KDM7A: variants seen among roughly 807,000 people sequenced by gnomAD.
KDM7A encodes the protein lysine-specific demethylase 7A.
KDM7A carries 28 observed loss-of-function variants against 114.8 expected under a neutral mutation model. The observed-to-expected ratio is 0.24, with a 90% CI of 0.18 to 0.33. KDM7A has a LOEUF of 0.33. KDM7A is among the 10% of genes least tolerant of loss of function. The pLI is 1.00. For synonymous variants in KDM7A, 423 were observed against 397.8 expected, an observed-to-expected ratio of 1.06 and a Z score of -0.75; for missense variants, 942 against 1,142.5, an observed-to-expected ratio of 0.82 and a Z score of 2.53.
Position 140,176,768 on chromosome 7 carries a change from A to G in KDM7A, c.170T>C (p.Ile57Thr). Residue 57 changes from isoleucine to threonine, a missense_variant, in exon 1 of 20, where the codon ATC becomes ACC. Ile to Thr is a moderately conservative substitution (Grantham distance 89). Transcript: ENST00000397560. This position sits in a 1 kb window ranked among gnomAD's most constrained non-coding sequence, Gnocchi z 4.4. The stretch of plus-strand genomic sequence containing the variant: ...CCTGCCGTGGAACCAGTCCTTGCAG[A>G]TATCGCACTCGATCATGAAGCGGTT... ...DVNRFMIECDICKDWFHGSCV... is the reference protein window; with the variant it reads ...DVNRFMIECDTCKDWFHGSCV... 2.8e-6 allele frequency: 4 copies of G among 1,407,544 alleles called. No homozygotes were observed. Among genetic ancestry groups the G allele is most frequent in the Non-Finnish European group, 3.8e-6 (4 of 1,057,706 alleles). 87.2% of individuals were successfully genotyped at this position (1,407,544 alleles called of 1,614,324 possible).
At chr7:140,171,898 T>G (rs1794647095) in intron 1 of KDM7A, among the ~76,000 whole-genome samples, 1 of 152,172 alleles carries the variant, frequency 6.6e-6, no homozygotes, top group African/African-American at 2.4e-5. Context: ...ATGACTATAC[T>G]ATAATATATC....
rs1324028387 is a variant in KDM7A, at chr7:140,147,275, C to G, written c.195-8085G>C. 5.3e-5 allele frequency among the ~76,000 whole-genome samples: 8 copies of G among 152,236 alleles called. No homozygotes were observed. In the South Asian group the frequency reaches 1.5e-3, roughly 28 times the overall value. ...CTCAATACCAAGTACAAGATGATCA[C>G]AGTAAATTTTTGTTGACTATTAACT... On this transcript the variant is annotated intron_variant, in intron 1 of 19. Transcript: ENST00000397560.
At chr7:140,164,084 T>C (rs1794548906) in intron 1 of KDM7A, among the ~76,000 whole-genome samples, 1 of 152,178 alleles carries the variant, frequency 6.6e-6, no homozygotes, top group Middle Eastern at 3.2e-3. Flanking sequence ...TCTACACCAC[T>C]CTCCTGTGAA....
intron 1 of KDM7A, among the ~76,000 whole-genome samples, 198 bp from the exon 2 acceptor site, chr7:140,139,388 T>C (rs991178588): frequency 6.6e-6 from 1 of 152,280 alleles, no homozygotes; most frequent in East Asian, 1.9e-4. Context: ...GAGAATATAC[T>C]ATACTCAAAG....
At chr7:140,102,329 A>G (rs1352506772) in intron 11 of KDM7A, among the ~76,000 whole-genome samples, 169 bp from the exon 12 acceptor site, 3 of 152,074 alleles carry the variant, frequency 2.0e-5, no homozygotes, top group African/African-American at 7.2e-5. Flanking sequence ...AGAACTTTAT[A>G]TCCCTTCTCT....
intron 9 of KDM7A, among the ~76,000 whole-genome samples, chr7:140,113,913 T>C (rs1287904577): frequency 6.6e-6 from 1 of 152,080 alleles, no homozygotes; most frequent in African/African-American, 2.4e-5. Context: ...TCCAAAGTGC[T>C]GGGATTATAG....
At chr7:140,137,356 C>T (rs926746204) in intron 2 of KDM7A, among the ~76,000 whole-genome samples, 2 of 152,186 alleles carry the variant, frequency 1.3e-5, no homozygotes, top group African/African-American at 4.8e-5. Context: ...AAGTGTATCA[C>T]ATTATTCTGC....
At position 140,089,455 on chromosome 7, in the gene KDM7A, A is replaced by G. The variant is rs958348898; in HGVS notation, c.*1639T>C. 27 of 152,206 alleles carry G rather than the reference A, an allele frequency of 1.8e-4. No homozygotes were observed. Among genetic ancestry groups the G allele is most frequent in the African/African-American group, 6.3e-4 (26 of 41,456 alleles). 9.4% of individuals were successfully genotyped at this position (152,206 alleles called of 1,614,324 possible). ...CTTAGCAATTCAAGTGATACTTAAT[A>G]GAGAAGGGTAAGTCCTGCTATCTTG... On this transcript the variant is annotated 3_prime_UTR_variant, in exon 20 of 20. Transcript: ENST00000397560.
At chr7:140,172,509 T>C (rs545051427) in intron 1 of KDM7A, among the ~76,000 whole-genome samples, 1 of 151,728 alleles carries the variant, frequency 6.6e-6, no homozygotes, top group South Asian at 2.1e-4. Flanking sequence ...AAAAATTAGC[T>C]GGGCGCGGTG....
Position 140,099,021 on chromosome 7 carries a change from CTGCCTT to C in KDM7A, c.1770_1775del (p.Arg591_Gln592del). On this transcript the variant is annotated inframe_deletion, in exon 14 of 20. Transcript: ENST00000397560. ...TATAAAGACTTTGATCTGCAAAGGG[CTGCCTT>C]TCATCTCTGTATTAAGAAGGAAAAG... 1 of 1,611,112 alleles carries C rather than the reference CTGCCTT, an allele frequency of 6.2e-7. No individual in the cohort carries two copies. Among genetic ancestry groups the C allele is most frequent in the Non-Finnish European group, 8.5e-7 (1 of 1,178,856 alleles).
chr7:140,119,319 A>C, intron 8 of KDM7A, 100 bp from the exon 9 acceptor site: 1 of 580,496 alleles, frequency 1.7e-6, no homozygotes, highest in African/African-American at 1.9e-5. Context: ...ATGATATGTA[A>C]GACCAATAAA....
chr7:140,109,034 G>A (rs543476751), intron 11 of KDM7A, among the ~76,000 whole-genome samples: 12 of 152,278 alleles, frequency 7.9e-5, no homozygotes, highest in Admixed American at 1.3e-4. Context: ...TGTGCTAGCA[G>A]TGACCAAGGC....
chr7:140,175,807 A>C (rs1794698045), intron 1 of KDM7A, among the ~76,000 whole-genome samples: 1 of 94,884 alleles, frequency 1.1e-5, no homozygotes, highest in Non-Finnish European at 2.1e-5. Flanking sequence ...CGGCCGACTC[A>C]AGTTCGCCGG....
chr7:140,141,712 G>A (rs1336015444), intron 1 of KDM7A, among the ~76,000 whole-genome samples: 1 of 151,812 alleles, frequency 6.6e-6, no homozygotes, highest in Non-Finnish European at 1.5e-5. Context: ...TGGCAAACAT[G>A]GCAAAACCCC....
chr7:140,172,375 C>T (rs1292424211), intron 1 of KDM7A, among the ~76,000 whole-genome samples: 1 of 152,170 alleles, frequency 6.6e-6, no homozygotes, highest in Non-Finnish European at 1.5e-5. Context: ...GTAAACAGGT[C>T]AGGCGCGGTG....
intron 1 of KDM7A, among the ~76,000 whole-genome samples, chr7:140,149,159 G>A (rs1214322560): frequency 1.3e-5 from 2 of 152,120 alleles, no homozygotes; most frequent in African/African-American, 2.4e-5. Flanking sequence ...AACATGAGAG[G>A]AAAATTAGGT....
intron 1 of KDM7A, among the ~76,000 whole-genome samples, chr7:140,175,301 T>C (rs986391248): frequency 6.6e-6 from 1 of 152,190 alleles, no homozygotes; most frequent in African/African-American, 2.4e-5. Flanking sequence ...TGGTTTTCTC[T>C]CCCTGGACCA....
At chr7:140,158,780 G>T (rs770507377) in intron 1 of KDM7A, among the ~76,000 whole-genome samples, 1 of 152,154 alleles carries the variant, frequency 6.6e-6, no homozygotes, top group Non-Finnish European at 1.5e-5. Flanking sequence ...CAGCACAGGG[G>T]TTCCCCAGAT....
intron 1 of KDM7A, among the ~76,000 whole-genome samples, chr7:140,172,215 T>C (rs1794652859): frequency 6.6e-6 from 1 of 152,208 alleles, no homozygotes; most frequent in Admixed American, 6.5e-5. Context: ...CAAGGAAATT[T>C]CTTATTGAGA....
Sources: gnomAD v4.1 joint callset for allele counts (sites outside exome capture counted in the v4.1 genomes callset) on GRCh38, gnomAD v4.1.1 for gene constraint, Gnocchi (gnomAD v3.1) non-coding constraint, MANE v1.5 for transcripts, NCBI Gene and HGNC (gene_info 2026-07-23, HGNC 2026-07-21) for gene names.